HTR3A: variants seen among roughly 807,000 people sequenced by gnomAD.
The protein encoded by HTR3A is 5-hydroxytryptamine receptor 3A.
Under a neutral mutation model 54.8 loss-of-function variants are expected in HTR3A, and 45 were observed. The observed-to-expected ratio is 0.82, with a 90% CI of 0.65 to 1.05. HTR3A has a LOEUF of 1.05. Among genes scored for constraint, HTR3A ranks in the 50% least tolerant of loss-of-function variants. HTR3A has a pLI of 0.00. For synonymous variants in HTR3A, 297 were observed against 256.0 expected, an observed-to-expected ratio of 1.16 and a Z score of -1.53; for missense variants, 657 against 614.0, an observed-to-expected ratio of 1.07 and a Z score of -0.74.
In HTR3A at chr11:113,986,613, C is replaced by T; in HGVS notation, c.801C>T (p.Pro267=). Residue 267 remains proline, a synonymous_variant, in exon 7 of 9, where the codon CCC becomes CCT. Transcript: ENST00000504030. ...MVMDIVGFYL[P]PNSGERVSFK... is the part of the protein sequence containing the mutation. ...TGGACATCGTGGGCTTCTACCTGCC[C>T]CCCAACAGTGGCGAGAGGGTCTCTT... is the stretch of plus-strand genomic sequence containing the variant. The T allele has an allele frequency of 1.9e-6, 3 of 1,613,818 alleles. No homozygotes were observed.
chr11:113,977,801 C>T lies in HTR3A; in HGVS notation c.98C>T (p.Ala33Val). ...ARRSRNTTRP[A>V]LLRLSDYLLT... is the part of the protein sequence containing the mutation. ...AGGAGCCGAAACACCACCAGGCCCGCTCTGCTGAGGCTGTCGGATTACCTT... is the reference window on the plus strand; with the variant it reads ...AGGAGCCGAAACACCACCAGGCCCGTTCTGCTGAGGCTGTCGGATTACCTT... Residue 33 changes from alanine to valine, a missense_variant, in exon 2 of 9, where the codon GCT (alanine) becomes GTT (valine). Physicochemically the swap from Ala to Val is moderately conservative, Grantham distance 64. Coordinates refer to ENST00000504030, the MANE Select transcript of HTR3A (RefSeq NM_000869.6). 2 of 1,614,148 alleles carry T rather than the reference C, an allele frequency of 1.2e-6. No individual in the cohort carries two copies. The highest frequency in any genetic ancestry group is 2.2e-5 in the East Asian group (1 of 44,866).
At chr11:113,977,979 A>G in intron 2 of HTR3A, 57 bp downstream of exon 2, 3 of 1,603,494 alleles carry the variant, frequency 1.9e-6, no homozygotes, top group Non-Finnish European at 2.6e-6. Flanking sequence ...GGAGAAGGCC[A>G]TGTGAGACAA....
intron 4 of HTR3A, among the ~76,000 whole-genome samples, 163 bp downstream of exon 4, chr11:113,981,475 C>A (rs761265582): frequency 6.6e-6 from 1 of 152,164 alleles, no homozygotes; most frequent in Non-Finnish European, 1.5e-5. Flanking sequence ...GTCTTCCCCC[C>A]CGACCTTTTT....
chr11:113,979,418 G>A (rs2276302), intron 3 of HTR3A, 141 bp downstream of exon 3: 486,729 of 699,800 alleles, frequency 0.7, 172,359 homozygotes, highest in East Asian at 0.87. Context: ...CAGGAGTGTG[G>A]AATCTCCTCA....
chr11:113,979,311 C>A, intron 3 of HTR3A, 34 bp downstream of exon 3: 1 of 1,568,942 alleles, frequency 6.4e-7, no homozygotes, highest in Non-Finnish European at 8.8e-7. Flanking sequence ...CCCCCGTTAC[C>A]CATCCTCCTG....
At position 113,977,793 on chromosome 11, in the gene HTR3A, C is replaced by G. The variant is rs1350949578; in HGVS notation, c.90C>G (p.Thr30=). Residue 30 remains threonine (T), a synonymous_variant, in exon 2 of 9, where the codon ACC becomes ACG. Transcript: ENST00000504030. ...CAGCCAGGAGGAGCCGAAACACCAC[C>G]AGGCCCGCTCTGCTGAGGCTGTCGG... ...QGEARRSRNT[T]RPALLRLSDY... is the part of the protein sequence containing the mutation. 1 of 1,614,014 alleles carries G rather than the reference C, an allele frequency of 6.2e-7. No individual in the cohort carries two copies. Among genetic ancestry groups the G allele is most frequent in the East Asian group, 2.2e-5 (1 of 44,880 alleles).
At chr11:113,981,152 C>T (rs772979890) in intron 3 of HTR3A, 51 bp from the exon 4 acceptor site, 6 of 1,163,970 alleles carry the variant, frequency 5.2e-6, no homozygotes, top group Middle Eastern at 2.5e-4. Flanking sequence ...GCAGGCGACC[C>T]TCACTGGAGA....
chr11:113,975,249 C>G lies in HTR3A; in HGVS notation c.-77C>G. ...CAGGCTGGCTGGGACATGAGGTTGG[C>G]AGAGGGCAGGCAAGCTGGCCCTTGG... On this transcript the variant is annotated 5_prime_UTR_variant, in exon 1 of 9. Transcript: ENST00000504030. 1.4e-6 allele frequency: 2 copies of G among 1,441,002 alleles called. No homozygotes were observed. The highest frequency in any genetic ancestry group is 2.3e-5 in the South Asian group (2 of 85,482). 89.3% of individuals were successfully genotyped at this position (1,441,002 alleles called of 1,614,324 possible).
At chr11:113,977,696 C>T (rs1489225997) in intron 1 of HTR3A, 75 bp from the exon 2 acceptor site, 4 of 1,565,180 alleles carry the variant, frequency 2.6e-6, no homozygotes, top group South Asian at 1.2e-5. Flanking sequence ...CTTTTAACAG[C>T]TTACAAACCA....
intron 3 of HTR3A, 185 bp from the exon 4 acceptor site, chr11:113,981,018 T>G: frequency 1.6e-6 from 1 of 615,168 alleles, no homozygotes. Flanking sequence ...GGAGGCAGAG[T>G]GTGAATGAAG....
In HTR3A at chr11:113,989,885, C is replaced by T. The variant is rs780654105; in HGVS notation, c.*122C>T. ...CATTTTCAAGACACAGACAAAGTCC[C>T]GTGCCCTGTTTCCAATGCCAATTCA... On this transcript the variant is annotated 3_prime_UTR_variant, in exon 9 of 9. Transcript: ENST00000504030. The surrounding 1 kb of genome is among the most constrained non-coding windows in gnomAD (Gnocchi z 4.4). The T allele has an allele frequency of 8.6e-5, 96 of 1,122,270 alleles. No individual in the cohort carries two copies. Among genetic ancestry groups the T allele is most frequent in the African/African-American group, 1.5e-4 (10 of 65,698 alleles). The allele number at this position is 1,122,270 out of a possible 1,614,324, so 69.5% of individuals were successfully genotyped here.
At position 113,989,364 on chromosome 11, in the gene HTR3A, T is replaced by C; in HGVS notation, c.1139-101T>C. On this transcript the variant is annotated intron_variant, in intron 8 of 8. Coordinates refer to ENST00000504030, the MANE Select transcript of HTR3A (RefSeq NM_000869.6). This position sits in a 1 kb window ranked among gnomAD's most constrained non-coding sequence, Gnocchi z 4.4. ...GGTGACAGAGTGAGAAAAAAAAAGT[T>C]ATTCCCAACAAAAATTTACAGGCTA... 1 of 1,372,198 alleles carries C rather than the reference T, an allele frequency of 7.3e-7. No individual in the cohort carries two copies. The highest frequency in any genetic ancestry group is 1.0e-6 in the Non-Finnish European group (1 of 965,506). The allele number at this position is 1,372,198 out of a possible 1,614,324, so 85.0% of individuals were successfully genotyped here.
At chr11:113,983,078 C>T (rs753773483) in intron 4 of HTR3A, 42 bp from the exon 5 acceptor site, 1 of 1,612,970 alleles carries the variant, frequency 6.2e-7, no homozygotes, top group Admixed American at 1.7e-5. Context: ...AGAGCTTGCC[C>T]TGTCTCTTGA....
chr11:113,987,499 G>T (rs149967535), intron 8 of HTR3A, among the ~76,000 whole-genome samples: 1 of 152,112 alleles, frequency 6.6e-6, no homozygotes, highest in Non-Finnish European at 1.5e-5. Context: ...TTGGGAGGCC[G>T]AGGTGGGAGG....
chr11:113,985,981 G>A, intron 5 of HTR3A, 34 bp from the exon 6 acceptor site: 4 of 1,613,720 alleles, frequency 2.5e-6, no homozygotes, highest in Non-Finnish European at 3.4e-6. Context: ...CTGGGTACTA[G>A]ATTCCAAAGC....
rs1950488805 is a variant in HTR3A, at chr11:113,986,173, T to C, written c.703T>C (p.Tyr235His). ...SSNYYAEMKFYVVIRRRPLFY... is the reference protein window; with the variant it reads ...SSNYYAEMKFHVVIRRRPLFY... ...TAACTACTATGCAGAAATGAAGTTC[T>C]ATGTGAGTGGGAGTGAATGTGGGTA... Residue 235 changes from tyrosine to histidine, a missense_variant and splice_region_variant, in exon 6 of 9, where the codon TAT (tyrosine) becomes CAT (histidine). By Grantham distance (83) the Tyr-to-His change is moderately conservative. Coordinates refer to ENST00000504030, the MANE Select transcript of HTR3A (RefSeq NM_000869.6). 3 of 1,614,064 alleles carry C rather than the reference T, an allele frequency of 1.9e-6. No individual in the cohort carries two copies. Among genetic ancestry groups the C allele is most frequent in the African/African-American group, 2.7e-5 (2 of 74,938 alleles).
At chr11:113,986,304 T>C (rs1950490847) in intron 6 of HTR3A, 129 bp downstream of exon 6, 3 of 1,234,766 alleles carry the variant, frequency 2.4e-6, no homozygotes. Flanking sequence ...GGAACTTCAG[T>C]GAAGTAGATG....
chr11:113,980,960 T>C (rs1591602031), intron 3 of HTR3A: 1 of 526,924 alleles, frequency 1.9e-6, no homozygotes, highest in African/African-American at 1.9e-5. Flanking sequence ...TCGAAATGAC[T>C]GACTTCCTTC....
intron 1 of HTR3A, chr11:113,977,519 C>T (rs1231396783): frequency 4.5e-6 from 7 of 1,550,930 alleles, no homozygotes; most frequent in Non-Finnish European, 6.1e-6. Flanking sequence ...GTGCCACTTG[C>T]TCTTCCAAGC....
Sources: gnomAD v4.1 joint callset for allele counts (sites outside exome capture counted in the v4.1 genomes callset) on GRCh38, gnomAD v4.1.1 for gene constraint, Gnocchi (gnomAD v3.1) non-coding constraint, MANE v1.5 for transcripts, NCBI Gene and HGNC (gene_info 2026-07-23, HGNC 2026-07-21) for gene names.